ACTN4: variants seen among roughly 807,000 people sequenced by gnomAD.
ACTN4 encodes the protein actinin alpha 4, also known as alpha-actinin-4.
A neutral mutation model predicts 114.2 loss-of-function variants in ACTN4; 18 were observed. The ratio of observed to expected loss-of-function variants is 0.16; its 90% CI spans 0.11 to 0.23. The LOEUF (loss-of-function observed/expected upper bound fraction) is 0.23. Among genes scored for constraint, ACTN4 ranks in the 10% least tolerant of loss-of-function variants. The pLI is 1.00. For missense variants in ACTN4, 722 were observed against 1,262.9 expected (o/e 0.57, Z 6.49); for synonymous variants, 515 against 506.3 (o/e 1.02, Z -0.23).
rs1967228495 is a variant in ACTN4, at chr19:38,673,548, T to TATATAAATATATATATTC, written c.162+25646_162+25647insAATATATATATTCATATA. Among the ~76,000 whole-genome samples the TATATAAATATATATATTC allele has an allele frequency of 4.8e-5, 3 of 61,888 alleles. 1 individual carries two copies. The highest frequency in any genetic ancestry group is 9.1e-5 in the African/African-American group (2 of 21,990). The allele number at this position is 61,888 out of a possible 152,430, so 40.6% of individuals were successfully genotyped here. On this transcript the variant is annotated intron_variant, in intron 1 of 20. Transcript: ENST00000252699. Reference sequence around the variant, plus strand: ...ATATTCATATATACTTATATATATTTATATATACTTATATATATTTATATA... The same window carrying TATATAAATATATATATTC: ...ATATTCATATATACTTATATATATTTATATAAATATATATATTCATATATACTTATATATATTTATATA...
At chr19:38,705,596 G>A (rs923985104) in intron 4 of ACTN4, among the ~76,000 whole-genome samples, 3 of 152,186 alleles carry the variant, frequency 2.0e-5, no homozygotes, top group African/African-American at 7.2e-5. Flanking sequence ...GAGGACAGCC[G>A]AGCTATCCAC....
chr19:38,690,480 C>T (rs1002415671), intron 1 of ACTN4, among the ~76,000 whole-genome samples: 3 of 152,222 alleles, frequency 2.0e-5, no homozygotes, highest in African/African-American at 7.2e-5. Context: ...TCTTCCATGA[C>T]CCACGGCTTC....
At chr19:38,728,448 T>TCCTCCTCCTCCC (rs1568751991) in intron 19 of ACTN4, 13 of 730,958 alleles carry the variant, frequency 1.8e-5, no homozygotes, top group South Asian at 4.3e-5. Context: ...CTCCTCCTCC[T>TCCTCCTCCTCCC]CCCCCCCACC....
chr19:38,659,339 G>A (rs1167526938), intron 1 of ACTN4, among the ~76,000 whole-genome samples: 1 of 152,076 alleles, frequency 6.6e-6, no homozygotes, highest in Non-Finnish European at 1.5e-5. Flanking sequence ...TTACAGGTAT[G>A]AGCCACCGCG....
chr19:38,681,882 G>A (rs1967587151), intron 1 of ACTN4, among the ~76,000 whole-genome samples: 1 of 152,176 alleles, frequency 6.6e-6, no homozygotes, highest in Non-Finnish European at 1.5e-5. Context: ...TCAGGCTGGA[G>A]TGCAGTAGCG....
chr19:38,673,654 T>TA (rs1399548673), intron 1 of ACTN4, among the ~76,000 whole-genome samples: 2 of 64,406 alleles, frequency 3.1e-5, no homozygotes, highest in Admixed American at 2.0e-4. Flanking sequence ...TATTTATATA[T>TA]TTATATATAT....
At chr19:38,648,980 G>A (rs1176565421) in intron 1 of ACTN4, among the ~76,000 whole-genome samples, 2 of 151,862 alleles carry the variant, frequency 1.3e-5, no homozygotes, top group Non-Finnish European at 2.9e-5. Flanking sequence ...GATAGACTGA[G>A]AAAGGAATTT....
At chr19:38,679,381 C>G (rs1967477212) in intron 1 of ACTN4, among the ~76,000 whole-genome samples, 2 of 152,022 alleles carry the variant, frequency 1.3e-5, no homozygotes, top group Non-Finnish European at 2.9e-5. Context: ...CACCTCACTC[C>G]CCTCAACCTC....
rs949925069 is a variant in ACTN4 at position 38,716,957 on chromosome 19, G to A, written c.913-129G>A. On this transcript the variant is annotated intron_variant, in intron 9 of 20. Transcript: ENST00000252699. ...AGGAATCGTGGAGAAGTTGGGCTGG[G>A]GAGCAGGGGTAACCCCCTAAGGTGG... 16 of 1,030,132 alleles carry A rather than the reference G, an allele frequency of 1.6e-5. No individual in the cohort carries two copies. In the African/African-American group the frequency reaches 2.5e-4, roughly 16 times the overall value. 63.8% of individuals were successfully genotyped at this position (1,030,132 alleles called of 1,614,324 possible). A position where few individuals can be genotyped will look rare whatever the true frequency, so the allele number is the denominator to read the frequency against.
At chr19:38,673,507 G>GT (rs1967215504) in intron 1 of ACTN4, among the ~76,000 whole-genome samples, 1 of 56,776 alleles carries the variant, frequency 1.8e-5, no homozygotes, top group Non-Finnish European at 3.3e-5. Flanking sequence ...TTATATATAT[G>GT]AATATATATT....
chr19:38,656,043 G>A (rs1198704259), intron 1 of ACTN4, among the ~76,000 whole-genome samples: 2 of 152,158 alleles, frequency 1.3e-5, no homozygotes, highest in African/African-American at 4.8e-5. Context: ...TGGATACAGA[G>A]GGCTAGCTGT....
intron 1 of ACTN4, among the ~76,000 whole-genome samples, chr19:38,671,189 C>T (rs1350986745): frequency 1.3e-5 from 2 of 152,154 alleles, no homozygotes; most frequent in Non-Finnish European, 2.9e-5. Context: ...GGTTTTCCAG[C>T]CTCCGGACTC....
chr19:38,667,375 G>T (rs139526711), intron 1 of ACTN4, among the ~76,000 whole-genome samples: 174 of 152,230 alleles, frequency 1.1e-3, no homozygotes, highest in African/African-American at 4.0e-3. Flanking sequence ...TCTCTAAAGA[G>T]GCGAGTCAAG....
chr19:38,718,744 A>G (rs1424010226), intron 11 of ACTN4, among the ~76,000 whole-genome samples: 2 of 152,094 alleles, frequency 1.3e-5, no homozygotes, highest in African/African-American at 4.8e-5. Flanking sequence ...TGTCTTCCCC[A>G]TCCAGGGCGA....
intron 1 of ACTN4, among the ~76,000 whole-genome samples, chr19:38,664,060 C>T (rs1031549668): frequency 2.0e-5 from 3 of 152,202 alleles, no homozygotes; most frequent in Non-Finnish European, 4.4e-5. Context: ...CCGGAACGGC[C>T]GCCCTGTATT....
At chr19:38,660,394 GT>G (rs913363099) in intron 1 of ACTN4, among the ~76,000 whole-genome samples, 2 of 149,672 alleles carry the variant, frequency 1.3e-5, no homozygotes, top group African/African-American at 4.9e-5. Flanking sequence ...ACTGGTTTTT[GT>G]TTTTTTTTCT....
At chr19:38,697,012 C>G (rs1489062802) in intron 1 of ACTN4, among the ~76,000 whole-genome samples, 1 of 152,246 alleles carries the variant, frequency 6.6e-6, no homozygotes, top group Admixed American at 6.5e-5. Flanking sequence ...CTCTCGGTTA[C>G]TGTCCTGTTT....
intron 1 of ACTN4, 98 bp from the exon 2 acceptor site, chr19:38,700,501 CG>C (rs1968236056): frequency 1.0e-6 from 1 of 957,842 alleles, no homozygotes; most frequent in African/African-American, 1.6e-5. Context: ...GTGGCAGCTG[CG>C]GTTCTCCTGA....
Position 38,724,102 on chromosome 19 carries a change from T to A in ACTN4, c.1692+25T>A, listed in dbSNP as rs1969145060. The A allele has an allele frequency of 1.2e-6, 2 of 1,613,582 alleles. No homozygotes were observed. The highest frequency in any genetic ancestry group is 1.7e-6 in the Non-Finnish European group (2 of 1,179,978). On this transcript the variant is annotated intron_variant, in intron 14 of 20. Coordinates refer to ENST00000252699, the MANE Select transcript of ACTN4 (RefSeq NM_004924.6). The surrounding 1 kb of genome is among the most constrained non-coding windows in gnomAD (Gnocchi z 7.0). ...GGTTCGCACCCCCCGGCCCCCCATC[T>A]TCCCAAGAGCCTCTGTGGGGCTGGG...
Sources: gnomAD v4.1 joint callset for allele counts (sites outside exome capture counted in the v4.1 genomes callset) on GRCh38, gnomAD v4.1.1 for gene constraint, Gnocchi (gnomAD v3.1) non-coding constraint, MANE v1.5 for transcripts, NCBI Gene and HGNC (gene_info 2026-07-23, HGNC 2026-07-21) for gene names.